Variants in RELA observed in about 807,000 individuals in gnomAD.
RELA encodes transcription factor p65.
RELA carries 14 observed loss-of-function variants against 56.7 expected under a neutral mutation model. The observed-to-expected ratio is 0.25, with a 90% CI of 0.16 to 0.39. The LOEUF (loss-of-function observed/expected upper bound fraction) is 0.39, where lower values mean the gene tolerates loss of function less well. Ranked by LOEUF, RELA falls within the 10% of genes least tolerant of loss-of-function variation. The pLI is 1.00. For missense variants in RELA, 559 were observed against 736.4 expected (o/e 0.76, Z 2.79); for synonymous variants, 315 against 289.7 (o/e 1.09, Z -0.89).
chr11:65,661,781 G>A lies in RELA; in HGVS notation c.241C>T (p.Pro81Ser), dbSNP rs1484848625. Reference protein sequence around the residue: ...TVRISLVTKDPPHRPHPHELV... With the variant: ...TVRISLVTKDSPHRPHPHELV... ...TCGTGGGGGTGAGGCCGGTGAGGAG[G>A]GTCCTTGGTGACCAGGGAGATGCGC... The change falls in exon 4 of 11, where the codon CCT (proline) becomes TCT (serine). Residue 81 changes from proline (P) to serine (S), a missense_variant. Around this residue, in one of 4 missense-constraint regions of RELA, gnomAD observed 149 missense variants for 256.0 expected, o/e 0.58. Transcript: ENST00000406246. The A allele has an allele frequency of 8.1e-6, 13 of 1,613,790 alleles. No individual in the cohort carries two copies. The Admixed American group carries it at 2.2e-4, about 27-fold the overall frequency.
chr11:65,657,916 A>T (rs1048320568), intron 8 of RELA, among the ~76,000 whole-genome samples: 2 of 152,228 alleles, frequency 1.3e-5, no homozygotes, highest in Non-Finnish European at 2.9e-5. Flanking sequence ...GGTAGTGACA[A>T]GACAACCAGT....
At chr11:65,661,268 CT>C (rs571504866) in intron 4 of RELA, 2,209 of 158,780 alleles carry the variant, frequency 0.014, 44 homozygotes, top group African/African-American at 0.049. Context: ...CTCAAGAGAT[CT>C]TCCTGCCTTG....
At position 65,658,894 on chromosome 11, in the gene RELA, A is replaced by G; in HGVS notation, c.560-72T>C. The G allele has an allele frequency of 1.6e-6, 2 of 1,240,612 alleles. No individual in the cohort carries two copies. The highest frequency in any genetic ancestry group is 2.4e-5 in the South Asian group (2 of 83,422). 76.9% of individuals were successfully genotyped at this position (1,240,612 alleles called of 1,614,324 possible). A position where few individuals can be genotyped will look rare whatever the true frequency, so the allele number is the denominator to read the frequency against. ...CCCAGGGTGGCCTGCAGGAGATGCAACTTCCCTGCCCAGCCCAGAGTCAAG... is the reference window on the plus strand; with the variant it reads ...CCCAGGGTGGCCTGCAGGAGATGCAGCTTCCCTGCCCAGCCCAGAGTCAAG... On this transcript the variant is annotated intron_variant, in intron 6 of 10. Transcript: ENST00000406246. The surrounding 1 kb of genome is among the most constrained non-coding windows in gnomAD (Gnocchi z 4.5).
chr11:65,654,284 C>A lies in RELA; in HGVS notation c.*94G>T. 1.3e-6 allele frequency: 2 copies of A among 1,501,260 alleles called. No individual in the cohort carries two copies. The highest frequency in any genetic ancestry group is 9.2e-7 in the Non-Finnish European group (1 of 1,083,462). 93.0% of individuals were successfully genotyped at this position (1,501,260 alleles called of 1,614,324 possible). ...AGGAAGACATCCACAAAGTTGGGGG[C>A]AGTTGGAACACACCCCACCAGAATC... On this transcript the variant is annotated 3_prime_UTR_variant, in exon 11 of 11. Transcript: ENST00000406246.
chr11:65,660,230 TC>T lies in RELA; in HGVS notation c.336-16del. On this transcript the variant is annotated splice_polypyrimidine_tract_variant and intron_variant, in intron 4 of 10. Coordinates refer to ENST00000406246, the MANE Select transcript of RELA (RefSeq NM_021975.4). ...GGTTCTGGAAACTGAGCGCCCCCAG[TC>T]GTCTGTCCCACTGTCTCTCACAGAG... 1.2e-6 allele frequency: 2 copies of T among 1,613,532 alleles called. No individual in the cohort carries two copies. Among genetic ancestry groups the T allele is most frequent in the Non-Finnish European group, 1.7e-6 (2 of 1,179,460 alleles).
intron 4 of RELA, among the ~76,000 whole-genome samples, chr11:65,661,056 AAAAAG>A (rs1856552449): frequency 4.6e-5 from 7 of 151,666 alleles, no homozygotes; most frequent in Admixed American, 3.9e-4. Context: ...AAAAAAAAAA[AAAAAG>A]ACAAGGTATC....
Position 65,654,361 on chromosome 11 carries a change from G to A in RELA, c.*17C>T, listed in dbSNP as rs779909185. On this transcript the variant is annotated 3_prime_UTR_variant, in exon 11 of 11. Coordinates refer to ENST00000406246, the MANE Select transcript of RELA (RefSeq NM_021975.4). ...CCCCTGCAACCCAGTGCTCTGGGGA[G>A]GGCAGGCGTCACCCCCTTAGGAGCT... 46 of 1,613,700 alleles carry A rather than the reference G, an allele frequency of 2.9e-5. No individual in the cohort carries two copies. Among genetic ancestry groups the A allele is most frequent in the Non-Finnish European group, 3.6e-5 (43 of 1,179,956 alleles).
chr11:65,654,532 G>C lies in RELA; in HGVS notation c.1502C>G (p.Thr501Ser). ...PMLMEYPEAI[T>S]RLVTGAQRPP... ...CCTCTGGGCCCCTGTCACTAGGCGA[G>C]TTATAGCCTCAGGGTACTCCATCAG... Residue 501 changes from threonine to serine, a missense_variant, in exon 11 of 11, where the codon ACT becomes AGT. By Grantham distance (58) the Thr-to-Ser change is moderately conservative (BLOSUM62 1). Transcript: ENST00000406246. The C allele has an allele frequency of 6.2e-7, 1 of 1,611,906 alleles. No individual in the cohort carries two copies. Among genetic ancestry groups the C allele is most frequent in the Admixed American group, 1.7e-5 (1 of 59,442 alleles).
chr11:65,661,659 T>G, intron 4 of RELA, 28 bp downstream of exon 4: 1 of 1,543,548 alleles, frequency 6.5e-7, no homozygotes, highest in Non-Finnish European at 8.8e-7. Flanking sequence ...CCCCTCATGC[T>G]GGGCCTCCTA....
intron 1 of RELA, 93 bp downstream of exon 1, chr11:65,662,733 G>A: frequency 9.7e-7 from 1 of 1,026,756 alleles, no homozygotes; most frequent in Non-Finnish European, 1.2e-6. Context: ...GCGCCCGTCG[G>A]CGCAGGAAGG....
chr11:65,658,842 G>T lies in RELA; in HGVS notation c.560-20C>A. The T allele has an allele frequency of 6.2e-7, 1 of 1,609,402 alleles. No individual in the cohort carries two copies. Among genetic ancestry groups the T allele is most frequent in the East Asian group, 2.2e-5 (1 of 44,836 alleles). ...GGGCACCTGAGGCAGTGAAAACAAG[G>T]GAGGATGACCTGAGCCACGAGAGGT... On this transcript the variant is annotated intron_variant, in intron 6 of 10. Coordinates refer to ENST00000406246, the MANE Select transcript of RELA (RefSeq NM_021975.4). The surrounding 1 kb of genome is among the most constrained non-coding windows in gnomAD (Gnocchi z 4.5).
intron 10 of RELA, 34 bp downstream of exon 10, chr11:65,655,654 C>G (rs769935492): frequency 3.7e-6 from 6 of 1,602,786 alleles, no homozygotes; most frequent in Non-Finnish European, 4.3e-6. Context: ...AGAGCTGAAC[C>G]TGTCGTTCCA....
At chr11:65,659,239 A>G (rs1199739521) in intron 6 of RELA, among the ~76,000 whole-genome samples, 1 of 152,078 alleles carries the variant, frequency 6.6e-6, no homozygotes, top group Non-Finnish European at 1.5e-5. Context: ...GATTCGTTTT[A>G]TTTCCATTCA....
intron 4 of RELA, 135 bp downstream of exon 4, chr11:65,661,552 T>G: frequency 2.7e-6 from 2 of 752,234 alleles, no homozygotes; most frequent in South Asian, 2.0e-5. Context: ...AAAGGCAGTT[T>G]ACTTGCAGAG....
At chr11:65,660,697 T>A in intron 4 of RELA, 1 of 161,360 alleles carries the variant, frequency 6.2e-6, no homozygotes, top group Non-Finnish European at 1.4e-5. Flanking sequence ...AAACTGTTAC[T>A]CTGACAGCAC....
intron 1 of RELA, chr11:65,662,572 G>A (rs151162267): frequency 3.3e-5 from 13 of 392,090 alleles, no homozygotes; most frequent in Admixed American, 1.3e-4. Flanking sequence ...GGTGTGGAGG[G>A]AAACTGAGTC....
At chr11:65,655,183 A>G (rs1445040183) in intron 10 of RELA, 183 bp from the exon 11 acceptor site, 1 of 604,952 alleles carries the variant, frequency 1.7e-6, no homozygotes, top group African/African-American at 1.9e-5. Context: ...TTCTAGCCAC[A>G]CCTCCACCTT....
chr11:65,660,219 A>G lies in RELA; in HGVS notation c.336-4T>C, dbSNP rs1856529307. 1 of 1,613,868 alleles carries G rather than the reference A, an allele frequency of 6.2e-7. No individual in the cohort carries two copies. Among genetic ancestry groups the G allele is most frequent in the Non-Finnish European group, 8.5e-7 (1 of 1,179,878 alleles). On this transcript the variant is annotated splice_region_variant and splice_polypyrimidine_tract_variant and intron_variant, in intron 4 of 10. Transcript: ENST00000406246. ...CTGGATTCCCAGGTTCTGGAAACTG[A>G]GCGCCCCCAGTCGTCTGTCCCACTG... is the stretch of plus-strand genomic sequence containing the variant.
Position 65,658,334 on chromosome 11 carries a change from T to C in RELA, c.830A>G (p.Asp277Gly). The C allele has an allele frequency of 6.2e-7, 1 of 1,611,940 alleles. No homozygotes were observed. The highest frequency in any genetic ancestry group is 1.1e-5 in the South Asian group (1 of 90,666). ...TTCCATGGGCTCACTGAGCTCCCGG[T>C]CGGAAGGCCGCCGCAGCTGCATGGA... Reference protein sequence around the residue: ...RVSMQLRRPSDRELSEPMEFQ... With the variant: ...RVSMQLRRPSGRELSEPMEFQ... The change falls in exon 8 of 11, where the codon GAC (aspartate) becomes GGC (glycine). Residue 277 changes from aspartate (D) to glycine (G), a missense_variant. Around this residue, in one of 4 missense-constraint regions of RELA, gnomAD observed 365 missense variants for 387.5 expected, o/e 0.94. Coordinates refer to ENST00000406246, the MANE Select transcript of RELA (RefSeq NM_021975.4). This position sits in a 1 kb window ranked among gnomAD's most constrained non-coding sequence, Gnocchi z 4.5.
Sources: allele counts gnomAD v4.1 joint callset (sites outside exome capture counted in the v4.1 genomes callset), GRCh38; gene constraint gnomAD v4.1.1; regional missense constraint gnomAD v4.1.1; non-coding constraint Gnocchi (gnomAD v3.1); transcripts MANE v1.5; gene names NCBI Gene and HGNC (gene_info 2026-07-23, HGNC 2026-07-21).